DLGAP2: variants seen among roughly 807,000 people sequenced by gnomAD.
DLGAP2 encodes DLG associated protein 2.
A neutral mutation model predicts 100.3 loss-of-function variants in DLGAP2; 26 were observed. The observed-to-expected ratio is 0.26, with a 90% CI of 0.19 to 0.36. The LOEUF is 0.36. Ranked by LOEUF, DLGAP2 falls within the 10% of genes least tolerant of loss-of-function variation. DLGAP2 has a pLI of 1.00. For missense variants in DLGAP2, 1,858 were observed against 1,453.2 expected (o/e 1.28, Z -4.53); for synonymous variants, 886 against 630.1 (o/e 1.41, Z -6.08).
intron 2 of DLGAP2, among the ~76,000 whole-genome samples, chr8:1,050,121 C>T (rs1802636166): frequency 6.6e-6 from 1 of 152,256 alleles, no homozygotes; most frequent in African/African-American, 2.4e-5. Context: ...GATATGCAGG[C>T]AGTCACAGCC....
chr8:1,281,271 G>A (rs1022374071), intron 3 of DLGAP2, among the ~76,000 whole-genome samples: 2 of 152,174 alleles, frequency 1.3e-5, no homozygotes, highest in Non-Finnish European at 2.9e-5. Flanking sequence ...TTTGAGCCAC[G>A]TGCCACATTG....
intron 2 of DLGAP2, among the ~76,000 whole-genome samples, chr8:1,110,088 C>T (rs113167590): frequency 9.3e-4 from 99 of 106,292 alleles, no homozygotes; most frequent in African/African-American, 2.7e-3. Context: ...GAGGTGTGCA[C>T]GGGTCTGTGA....
At chr8:1,353,507 G>A (rs964113247) in intron 3 of DLGAP2, among the ~76,000 whole-genome samples, 6 of 152,192 alleles carry the variant, frequency 3.9e-5, no homozygotes, top group South Asian at 4.1e-4. Context: ...TTCTGAGCAC[G>A]TTTAAGGTTG....
chr8:1,070,594 G>T (rs1803397791), intron 2 of DLGAP2, among the ~76,000 whole-genome samples: 1 of 152,192 alleles, frequency 6.6e-6, no homozygotes, highest in Non-Finnish European at 1.5e-5. Context: ...CAGAAAGACA[G>T]TTTGAAAGGT....
At chr8:1,161,950 G>T (rs888489998) in intron 2 of DLGAP2, among the ~76,000 whole-genome samples, 2 of 152,232 alleles carry the variant, frequency 1.3e-5, no homozygotes, top group African/African-American at 4.8e-5. Flanking sequence ...GCCAAGTCAG[G>T]GGTGCGTCAG....
At chr8:1,274,829 T>C (rs897242094) in intron 3 of DLGAP2, among the ~76,000 whole-genome samples, 1 of 151,414 alleles carries the variant, frequency 6.6e-6, no homozygotes, top group East Asian at 2.0e-4. Context: ...AGAAACCCTC[T>C]TTCTCTTAAC....
intron 3 of DLGAP2, among the ~76,000 whole-genome samples, chr8:1,408,879 G>A (rs374505747): frequency 3.9e-5 from 6 of 152,210 alleles, no homozygotes; most frequent in African/African-American, 7.2e-5. Context: ...AAGCTGGGCA[G>A]TGGTGGTCCA....
intron 6 of DLGAP2, among the ~76,000 whole-genome samples, chr8:1,613,458 G>A (rs1285210030): frequency 1.3e-5 from 2 of 151,788 alleles, no homozygotes; most frequent in East Asian, 1.9e-4. Context: ...CGAGTTAGTG[G>A]GTGCAGCGCA....
chr8:1,353,629 G>A (rs892213000), intron 3 of DLGAP2, among the ~76,000 whole-genome samples: 3 of 152,120 alleles, frequency 2.0e-5, no homozygotes, highest in African/African-American at 7.2e-5. Flanking sequence ...ATAAGGTGAG[G>A]GGTATTTGTA....
chr8:978,070 G>C (rs1584941606), intron 2 of DLGAP2, among the ~76,000 whole-genome samples: 1 of 52,650 alleles, frequency 1.9e-5, no homozygotes, highest in African/African-American at 7.2e-5. Context: ...TGAGGGGCTG[G>C]GTTCTGGTCT....
chr8:1,589,257 T>G (rs1796219062), intron 6 of DLGAP2, among the ~76,000 whole-genome samples: 1 of 152,176 alleles, frequency 6.6e-6, no homozygotes, highest in African/African-American at 2.4e-5. Flanking sequence ...ATAAGTACAG[T>G]TTTTCCAATA....
intron 2 of DLGAP2, among the ~76,000 whole-genome samples, chr8:999,083 C>T (rs1285692862): frequency 6.6e-6 from 1 of 152,118 alleles, no homozygotes; most frequent in Non-Finnish European, 1.5e-5. Flanking sequence ...TGATCATGTT[C>T]TTAAAAATAT....
At chr8:763,709 C>T (rs113616876) in intron 1 of DLGAP2, among the ~76,000 whole-genome samples, 13 of 151,436 alleles carry the variant, frequency 8.6e-5, no homozygotes, top group Admixed American at 6.6e-5. Context: ...GTGTGTCCTT[C>T]GTCTCAAAGA....
chr8:1,596,080 T>A (rs1342454021), intron 6 of DLGAP2, among the ~76,000 whole-genome samples: 1 of 132,678 alleles, frequency 7.5e-6, no homozygotes, highest in African/African-American at 2.8e-5. Flanking sequence ...TGTCCATGGG[T>A]TCTCATCGTT....
At chr8:1,529,713 A>G (rs534284085) in intron 4 of DLGAP2, among the ~76,000 whole-genome samples, 8 of 152,358 alleles carry the variant, frequency 5.3e-5, no homozygotes, top group African/African-American at 1.9e-4. Context: ...TTGAACAGAC[A>G]CTTATCAGGG....
chr8:1,500,655 C>G (rs1330367136), intron 3 of DLGAP2, among the ~76,000 whole-genome samples: 1 of 152,274 alleles, frequency 6.6e-6, no homozygotes, highest in East Asian at 1.9e-4. Context: ...CTCCCCAGTT[C>G]CCTGTTGCCC....
At chr8:833,616 C>G (rs1454483155) in intron 1 of DLGAP2, among the ~76,000 whole-genome samples, 1 of 152,214 alleles carries the variant, frequency 6.6e-6, no homozygotes, top group Non-Finnish European at 1.5e-5. Flanking sequence ...TCACCCCTGT[C>G]TCATCTCAGG....
At chr8:1,519,762 C>T (rs1330450156) in intron 4 of DLGAP2, among the ~76,000 whole-genome samples, 2 of 152,270 alleles carry the variant, frequency 1.3e-5, no homozygotes, top group Non-Finnish European at 2.9e-5. Context: ...GCTGGGATGT[C>T]AGCATCCTGG....
At chr8:1,536,701 G>A (rs1262060815) in intron 4 of DLGAP2, among the ~76,000 whole-genome samples, 1 of 152,138 alleles carries the variant, frequency 6.6e-6, no homozygotes, top group Admixed American at 6.5e-5. Flanking sequence ...CTGAACCCGC[G>A]TTTGGTCTCA....
Sources: gnomAD v4.1 joint callset for allele counts (sites outside exome capture counted in the v4.1 genomes callset) on GRCh38, gnomAD v4.1.1 for gene constraint, MANE v1.5 for transcripts, NCBI Gene and HGNC (gene_info 2026-07-23, HGNC 2026-07-21) for gene names.